SLC35A2: variants seen among roughly 807,000 people sequenced by gnomAD.
The protein encoded by SLC35A2 is UDP-galactose translocator.
SLC35A2 carries 1 observed loss-of-function variant against 17.3 expected under a neutral mutation model. The ratio of observed to expected loss-of-function variants is 0.06; its 90% confidence interval spans 0.02 to 0.27. The LOEUF is 0.27. SLC35A2 is among the 10% of genes least tolerant of loss of function. The pLI is 1.00. For synonymous variants in SLC35A2, 161 were observed against 161.3 expected (o/e 1.00, Z 0.01); for missense variants, 191 against 339.3 (o/e 0.56, Z 3.43).
chrX:48,905,059 G>A lies in SLC35A2; in HGVS notation c.850C>T (p.Leu284=). 2 of 1,211,406 alleles carry A rather than the reference G, an allele frequency of 1.7e-6. No individual in the cohort carries two copies. The highest frequency in any genetic ancestry group is 1.8e-5 in the South Asian group (1 of 56,918). ...VVLNQAFGGL[L]VAVVVKYADN... is the part of the protein sequence containing the mutation. ...GCGTACTTGACAACCACAGCCACCA[G>A]TAGCCCGCCGAAGGCCTGGTTGAGC... The change falls in exon 4 of 5, where the codon CTG becomes TTG. Residue 284 remains leucine (L), a synonymous_variant. Coordinates refer to ENST00000247138, the MANE Select transcript of SLC35A2 (RefSeq NM_005660.3).
chrX:48,906,117 A>G, intron 3 of SLC35A2: 1 of 428,558 alleles, frequency 2.3e-6, no homozygotes, highest in Non-Finnish European at 4.1e-6. Context: ...CATTTCACAA[A>G]GCTGCCCACA....
chrX:48,903,699 A>G (rs2063461771), intron 4 of SLC35A2: 27 of 1,000,430 alleles, frequency 2.7e-5, no homozygotes, highest in Admixed American at 4.2e-5. Flanking sequence ...AAAAATCAGA[A>G]CAAATTAATC....
intron 2 of SLC35A2, among the ~76,000 whole-genome samples, chrX:48,907,350 C>T (rs2063498597): frequency 9.4e-6 from 1 of 106,053 alleles, no homozygotes; most frequent in African/African-American, 3.4e-5. Context: ...CAGGTTCAAG[C>T]CATTCTCCTG....
At chrX:48,905,972 T>C in intron 3 of SLC35A2, 1 of 330,530 alleles carries the variant, frequency 3.0e-6, no homozygotes, top group East Asian at 5.5e-5. Flanking sequence ...AGCACCACTG[T>C]AAGCCCCAAT....
intron 3 of SLC35A2, 94 bp downstream of exon 3, chrX:48,906,298 C>T (rs1557043078): frequency 4.9e-6 from 4 of 810,388 alleles, no homozygotes. Context: ...GACATAGCCC[C>T]TGTCCTCTGC....
rs1452748811 is a variant in SLC35A2, at chrX:48,904,810, G to T, written c.1099C>A (p.Gln367Lys). ...GPCVHQQPPG[Q>K]PPPPQLSSHR... ...GAAGACAGCTGCGGTGGTGGTGGCT[G>T]CCCGGGAGGCTGCTGGTGAACGCAG... Residue 367 changes from glutamine to lysine, a missense_variant, in exon 4 of 5, where the codon CAG becomes AAG. Gln to Lys is a moderately conservative substitution (Grantham distance 53). Coordinates refer to ENST00000247138, the MANE Select transcript of SLC35A2 (RefSeq NM_005660.3). 8 of 1,209,620 alleles carry T rather than the reference G, an allele frequency of 6.6e-6. No homozygotes were observed. The highest frequency in any genetic ancestry group is 8.9e-6 in the Non-Finnish European group (8 of 894,811).
chrX:48,906,826 C>T (rs1240586927), intron 2 of SLC35A2, among the ~76,000 whole-genome samples: 1 of 112,443 alleles, frequency 8.9e-6, no homozygotes, highest in Non-Finnish European at 1.9e-5. Context: ...TGGCAGAGAG[C>T]CCCATTCAGG....
In SLC35A2 at chrX:48,909,797, C is replaced by G. The variant is rs1220314813; in HGVS notation, c.274+17G>C. The G allele has an allele frequency of 2.5e-6, 3 of 1,193,860 alleles. No individual in the cohort carries two copies. In the Admixed American group the frequency reaches 6.7e-5, roughly 27 times the overall value. On this transcript the variant is annotated intron_variant, in intron 2 of 4. Transcript: ENST00000247138. ...CTCACCCACCGACCCCAGTGCAGCC[C>G]CATCCCTGGTTCGTACCCCTCTTCT...
In SLC35A2 at chrX:48,903,258, G is replaced by A. The variant is rs185473267; in HGVS notation, c.*180C>T. 1 of 881,373 alleles carries A rather than the reference G, an allele frequency of 1.1e-6. No homozygotes were observed. The highest frequency in any genetic ancestry group is 2.0e-5 in the African/African-American group (1 of 50,181). The allele number at this position is 881,373 out of a possible 1,213,427, so 72.6% of individuals were successfully genotyped here. ...TGGAGCTGGCAGGGGCTGGGGGGCT[G>A]AGCTGAGGTGGGTCATGAGAGAGCT... On this transcript the variant is annotated 3_prime_UTR_variant, in exon 5 of 5. Transcript: ENST00000247138.
chrX:48,911,572 G>A lies in SLC35A2; in HGVS notation c.65C>T (p.Ala22Val), dbSNP rs1557044085. The change falls in exon 1 of 5, where the codon GCA becomes GTA. Residue 22 changes from alanine to valine, a missense_variant. Physicochemically the swap from Ala to Val is moderately conservative, Grantham distance 64. Transcript: ENST00000247138. ...CGCACTGGCGGTCCCCGGCTCCAAT[G>A]CACCCGCGGAAACCGCCCCTGGCCC... ...APGPGAVSAG[A>V]LEPGTASAAH... The A allele has an allele frequency of 8.6e-7, 1 of 1,164,661 alleles. No individual in the cohort carries two copies. Among genetic ancestry groups the A allele is most frequent in the Admixed American group, 2.5e-5 (1 of 39,814 alleles).
chrX:48,904,702 T>C, intron 4 of SLC35A2, 44 bp downstream of exon 4: 1 of 1,210,725 alleles, frequency 8.3e-7, no homozygotes, highest in Non-Finnish European at 1.1e-6. Flanking sequence ...CCCCCTCCCT[T>C]GTGTCCCCCC....
intron 1 of SLC35A2, 128 bp downstream of exon 1, chrX:48,911,418 G>GCA (rs3066479): frequency 0.015 from 11,116 of 735,961 alleles, 21 homozygotes; most frequent in Non-Finnish European, 0.018. Context: ...CTGACAATGT[G>GCA]CACACACACA....
In SLC35A2 at chrX:48,907,309, G is replaced by A. The variant is rs1313044101; in HGVS notation, c.275-766C>T. Among the ~76,000 whole-genome samples, 10 of 104,339 alleles carry A rather than the reference G, an allele frequency of 9.6e-5. 1 individual carries two copies. Among genetic ancestry groups the A allele is most frequent in the Non-Finnish European group, 1.2e-4 (6 of 50,826 alleles). 90.6% of individuals were successfully genotyped at this position (104,339 alleles called of 115,157 possible). A position where few individuals can be genotyped will look rare whatever the true frequency, so the allele number is the denominator to read the frequency against. On this transcript the variant is annotated intron_variant, in intron 2 of 4. Transcript: ENST00000247138. Reference sequence around the variant, plus strand: ...CTTTTTTTTTTTTTGGCACAGTGGCGCGATCTCGGCTCACTGCAAGCTCCA... The same window carrying A: ...CTTTTTTTTTTTTTGGCACAGTGGCACGATCTCGGCTCACTGCAAGCTCCA...
intron 4 of SLC35A2, chrX:48,904,000 C>T (rs2063465656): frequency 1.3e-6 from 1 of 760,345 alleles, no homozygotes; most frequent in South Asian, 6.5e-5. Context: ...GAGATTCAGC[C>T]ACTTCAAGGA....
intron 4 of SLC35A2, chrX:48,903,771 C>T: frequency 6.6e-6 from 6 of 912,951 alleles, no homozygotes; most frequent in African/African-American, 2.0e-5. Flanking sequence ...ATCTTCCATG[C>T]ACACACACAC....
chrX:48,909,248 C>T (rs782708361), intron 2 of SLC35A2, among the ~76,000 whole-genome samples: 19 of 112,495 alleles, frequency 1.7e-4, no homozygotes, highest in African/African-American at 6.1e-4. Context: ...TGGTGAAACC[C>T]CTTCTCTACT....
intron 2 of SLC35A2, among the ~76,000 whole-genome samples, chrX:48,908,194 C>T (rs1489666828): frequency 2.8e-5 from 3 of 106,291 alleles, no homozygotes; most frequent in Non-Finnish European, 5.8e-5. Flanking sequence ...TGGCTCACTG[C>T]AACCTCTGCC....
chrX:48,911,666 C>T (rs2063537139), upstream of SLC35A2: 2 of 1,155,130 alleles, frequency 1.7e-6, no homozygotes, highest in South Asian at 3.8e-5. Flanking sequence ...GTCCCCTCGG[C>T]AACAGAAAAA....
rs373480204 is a variant in SLC35A2 at position 48,911,607 on chromosome X, G to T, written c.30C>A (p.Thr10=). The change falls in exon 1 of 5, where the codon ACC becomes ACA. Residue 10 remains threonine, a synonymous_variant. Coordinates refer to ENST00000247138, the MANE Select transcript of SLC35A2 (RefSeq NM_005660.3). MAAVGAGGS[T]AAPGPGAVSA... Reference sequence around the variant, plus strand: ...AAACCGCCCCTGGCCCGGGCGCCGCGGTGGAACCACCAGCCCCAACCGCTG... The same window carrying T: ...AAACCGCCCCTGGCCCGGGCGCCGCTGTGGAACCACCAGCCCCAACCGCTG... 2 of 1,163,444 alleles carry T rather than the reference G, an allele frequency of 1.7e-6. No homozygotes were observed. The highest frequency in any genetic ancestry group is 1.8e-5 in the African/African-American group (1 of 56,269).
Sources: gnomAD v4.1 joint callset for allele counts (sites outside exome capture counted in the v4.1 genomes callset) on GRCh38, gnomAD v4.1.1 for gene constraint, MANE v1.5 for transcripts, NCBI Gene and HGNC (gene_info 2026-07-23, HGNC 2026-07-21) for gene names.